Variants in SLC1A7 observed in about 807,000 individuals in gnomAD.
The protein encoded by SLC1A7 is excitatory amino acid transporter 5.
Under a neutral mutation model 47.7 loss-of-function variants are expected in SLC1A7, and 40 were observed. The ratio of observed to expected loss-of-function variants is 0.84; its 90% CI spans 0.65 to 1.09. The LOEUF (loss-of-function observed/expected upper bound fraction) is 1.09, where lower values mean the gene tolerates loss of function less well. Ranked by LOEUF, SLC1A7 falls within the 50% of genes least tolerant of loss-of-function variation. The pLI is 0.00. For synonymous variants in SLC1A7, 323 were observed against 325.6 expected, an observed-to-expected ratio of 0.99 and a Z score of 0.09; for missense variants, 746 against 769.5, an observed-to-expected ratio of 0.97 and a Z score of 0.36.
chr1:53,108,658 G>C (rs1231870629), intron 3 of SLC1A7: 2 of 717,602 alleles, frequency 2.8e-6, no homozygotes, highest in Non-Finnish European at 2.6e-6. Context: ...ATAATAGCTA[G>C]AGCTTGAGCA....
intron 3 of SLC1A7, chr1:53,108,782 G>C: frequency 1.6e-6 from 1 of 641,328 alleles, no homozygotes; most frequent in East Asian, 2.7e-5. Flanking sequence ...CCCACTTCTG[G>C]ACTGTTCTTC....
intron 5 of SLC1A7, among the ~76,000 whole-genome samples, chr1:53,099,617 C>T (rs1036733969): frequency 1.3e-5 from 2 of 152,032 alleles, no homozygotes; most frequent in East Asian, 3.9e-4. Context: ...TCAGTATACT[C>T]ACACCACCTT....
chr1:53,099,272 ACCGTCTCGGTACACACAC>A (rs1416554385), intron 5 of SLC1A7, among the ~76,000 whole-genome samples: 7,663 of 20,510 alleles, frequency 0.37, 1,309 homozygotes, highest in Middle Eastern at 0.53. Flanking sequence ...TACCTCACAT[ACCGTCTCGGTACACACAC>A]ATACCCCGCC....
chr1:53,114,485 A>G, intron 3 of SLC1A7: 1 of 468,822 alleles, frequency 2.1e-6, no homozygotes, highest in African/African-American at 1.9e-5. Flanking sequence ...CCCACCCTAC[A>G]GGCTGGGCAT....
At chr1:53,114,485 A>T (rs1288377) in intron 3 of SLC1A7, 6,390 of 468,780 alleles carry the variant, frequency 0.014, 219 homozygotes, top group East Asian at 0.1. Context: ...CCCACCCTAC[A>T]GGCTGGGCAT....
intron 2 of SLC1A7, 117 bp from the exon 3 acceptor site, chr1:53,115,090 C>T (rs1644743932): frequency 4.0e-6 from 3 of 742,456 alleles, no homozygotes; most frequent in Admixed American, 2.1e-5. Context: ...CCAGGGAACC[C>T]CATTCTTCCA....
At chr1:53,104,531 C>T (rs1330642735) in intron 4 of SLC1A7, among the ~76,000 whole-genome samples, 1 of 152,238 alleles carries the variant, frequency 6.6e-6, no homozygotes, top group Non-Finnish European at 1.5e-5. Context: ...AAAGGGCATT[C>T]CAGAGAGTTA....
chr1:53,093,737 G>T (rs201563179), intron 5 of SLC1A7, among the ~76,000 whole-genome samples, 177 bp from the exon 6 acceptor site: 13 of 150,910 alleles, frequency 8.6e-5, no homozygotes, highest in Middle Eastern at 3.4e-3. Context: ...GTGCTCTCAC[G>T]TCCTCCTCTC....
intron 3 of SLC1A7, among the ~76,000 whole-genome samples, chr1:53,107,179 A>G (rs1455861645): frequency 3.4e-5 from 5 of 149,074 alleles, no homozygotes; most frequent in Non-Finnish European, 7.4e-5. Flanking sequence ...AAAAAAAAAA[A>G]GGCAAAGAAA....
rs151291767 is a variant in SLC1A7, at chr1:53,103,473, C to T, written c.570G>A (p.Glu190=). The T allele has an allele frequency of 1.2e-5, 20 of 1,613,150 alleles. No homozygotes were observed. The highest frequency in any genetic ancestry group is 1.6e-5 in the Non-Finnish European group (19 of 1,179,756). Residue 190 remains glutamate, a synonymous_variant, in exon 5 of 11, where the codon GAG becomes GAA. Transcript: ENST00000371494. ...RRILIYGVQE[E]NGSHVQNFAL... is the part of the protein sequence containing the mutation. ...CGAAGTTCTGCACATGGGAGCCATTCTCCTCCTGGACCCCGTAGATGAGGA... is the reference window on the plus strand; with the variant it reads ...CGAAGTTCTGCACATGGGAGCCATTTTCCTCCTGGACCCCGTAGATGAGGA...
chr1:53,119,301 G>A (rs1276396931), intron 2 of SLC1A7, among the ~76,000 whole-genome samples: 2 of 152,174 alleles, frequency 1.3e-5, no homozygotes, highest in Non-Finnish European at 2.9e-5. Flanking sequence ...CACAAACCTG[G>A]TTTAACTCTG....
intron 5 of SLC1A7, among the ~76,000 whole-genome samples, chr1:53,096,278 C>T (rs1386682149): frequency 6.7e-6 from 1 of 150,262 alleles, no homozygotes; most frequent in Non-Finnish European, 1.5e-5. Context: ...CTCACACACA[C>T]CGACTCGGTA....
At chr1:53,135,044 TG>T (rs1644977656) in intron 1 of SLC1A7, among the ~76,000 whole-genome samples, 2 of 151,754 alleles carry the variant, frequency 1.3e-5, no homozygotes, top group East Asian at 1.9e-4. Context: ...ACAGGGTCAT[TG>T]GGGGGCTTAA....
intron 2 of SLC1A7, among the ~76,000 whole-genome samples, chr1:53,125,785 C>T (rs1029988603): frequency 2.6e-5 from 4 of 152,184 alleles, no homozygotes; most frequent in Non-Finnish European, 4.4e-5. Context: ...TCCACAGGGC[C>T]ACCCCGTGGA....
chr1:53,094,598 G>A (rs890816950), intron 5 of SLC1A7, among the ~76,000 whole-genome samples: 1 of 152,216 alleles, frequency 6.6e-6, no homozygotes, highest in African/African-American at 2.4e-5. Flanking sequence ...CTACCCCGTG[G>A]TGACGGAGTG....
chr1:53,120,497 C>T (rs894958060), intron 2 of SLC1A7, among the ~76,000 whole-genome samples: 24 of 152,006 alleles, frequency 1.6e-4, no homozygotes, highest in African/African-American at 4.1e-4. Context: ...GGGGCTGGGC[C>T]GCTCTCCTCC....
intron 3 of SLC1A7, among the ~76,000 whole-genome samples, chr1:53,113,637 C>T (rs1037785443): frequency 2.0e-5 from 3 of 152,140 alleles, no homozygotes; most frequent in Non-Finnish European, 4.4e-5. Flanking sequence ...TCTGCCTTCC[C>T]CTCCTACCTC....
intron 2 of SLC1A7, among the ~76,000 whole-genome samples, chr1:53,124,254 ACACACAC>A (rs138271424): frequency 0.77 from 115,394 of 150,414 alleles, 44,216 homozygotes; most frequent in East Asian, 0.81. Flanking sequence ...TACACAACAC[ACACACAC>A]ACACACACAC....
intron 8 of SLC1A7, chr1:53,090,216 A>G (rs1644405099): frequency 1.8e-6 from 1 of 567,262 alleles, no homozygotes; most frequent in Non-Finnish European, 3.1e-6. Flanking sequence ...CTATATTGCT[A>G]TGGGGCTGCC....
Sources: gnomAD v4.1 joint callset for allele counts (sites outside exome capture counted in the v4.1 genomes callset) on GRCh38, gnomAD v4.1.1 for gene constraint, MANE v1.5 for transcripts, NCBI Gene and HGNC (gene_info 2026-07-23, HGNC 2026-07-21) for gene names.